The following PRH1 variants were observed in gnomAD, a reference collection of about 807,000 sequenced individuals.
The protein encoded by PRH1 is salivary acidic proline-rich phosphoprotein 1/2.
In PRH1, 7 loss-of-function variants were observed where a neutral mutation model predicts 7.9. The ratio of observed to expected loss-of-function variants is 0.89; its 90% CI spans 0.50 to 1.67. The LOEUF (loss-of-function observed/expected upper bound fraction) is 1.67. PRH1 is among the 40% of genes most tolerant of loss of function. The pLI is 0.00. For missense variants in PRH1, 109 were observed against 223.6 expected (o/e 0.49, Z 3.27); for synonymous variants, 45 against 80.8 (o/e 0.56, Z 2.38).
chr12:10,910,276 A>C (rs371001207), intron 2 of PRH1, among the ~76,000 whole-genome samples: 197 of 152,272 alleles, frequency 1.3e-3, no homozygotes, highest in African/African-American at 4.3e-3. Context: ...CAAGCACAGT[A>C]AAAGATTACA....
intron 1 of PRH1, among the ~76,000 whole-genome samples, chr12:11,029,595 T>G (rs1274694341): frequency 6.6e-6 from 1 of 152,260 alleles, no homozygotes; most frequent in East Asian, 1.9e-4. Flanking sequence ...AAACAGCTTT[T>G]CTTTAATTCA....
chr12:11,049,658 T>C (rs1161988633), upstream of PRH1, among the ~76,000 whole-genome samples: 1 of 152,194 alleles, frequency 6.6e-6, no homozygotes, highest in African/African-American at 2.4e-5. Flanking sequence ...TCCAGCATCG[T>C]CAGTTGTTAC....
intron 2 of PRH1, among the ~76,000 whole-genome samples, chr12:10,957,414 A>C (rs1350348620): frequency 6.6e-6 from 1 of 152,184 alleles, no homozygotes; most frequent in Non-Finnish European, 1.5e-5. Flanking sequence ...AACTCAATGC[A>C]AGCTGGGTTA....
intron 2 of PRH1, chr12:10,929,477 C>T (rs1309318863): frequency 2.0e-6 from 2 of 999,670 alleles, no homozygotes; most frequent in Non-Finnish European, 3.0e-6. Context: ...ATCAGAAGAC[C>T]TGTTGTGCCT....
At chr12:10,886,939 G>A (rs1478850264), upstream of PRH1, among the ~76,000 whole-genome samples, 1 of 152,088 alleles carries the variant, frequency 6.6e-6, no homozygotes, top group African/African-American at 2.4e-5. Flanking sequence ...AGCTGGTCTT[G>A]GTAATGTTCT....
chr12:10,997,044 T>C (rs1940289384), intron 1 of PRH1: 1 of 1,614,010 alleles, frequency 6.2e-7, no homozygotes, highest in Non-Finnish European at 8.5e-7. Context: ...CAAATCAGAA[T>C]GAATGAGTGG....
At chr12:10,905,318 T>C (rs1473952389) in intron 2 of PRH1, among the ~76,000 whole-genome samples, 1 of 151,978 alleles carries the variant, frequency 6.6e-6, no homozygotes, top group East Asian at 1.9e-4. Context: ...CACAATTTCA[T>C]TGGAACACTA....
chr12:11,159,660 A>C (rs1028454193), intron 1 of PRH1: 7 of 152,122 alleles, frequency 4.6e-5, no homozygotes, highest in African/African-American at 1.7e-4. Flanking sequence ...TCTTGTTGCC[A>C]CCACCAGAAA....
intron 1 of PRH1, among the ~76,000 whole-genome samples, chr12:11,066,100 C>T (rs1343179718): frequency 6.6e-6 from 1 of 151,442 alleles, no homozygotes; most frequent in Non-Finnish European, 1.5e-5. Context: ...TAAAACAGTA[C>T]ATACAAGTTT....
chr12:11,073,470 A>G (rs1470497515), intron 1 of PRH1, among the ~76,000 whole-genome samples: 2 of 148,660 alleles, frequency 1.3e-5, no homozygotes, highest in Non-Finnish European at 3.0e-5. Flanking sequence ...CTGTTGCCCT[A>G]TAAATACTTC....
chr12:11,162,503 T>C (rs1329347115), intron 1 of PRH1, among the ~76,000 whole-genome samples: 1 of 152,162 alleles, frequency 6.6e-6, no homozygotes, highest in Non-Finnish European at 1.5e-5. Flanking sequence ...GCCCTGAACT[T>C]TAAGCTGATG....
intron 2 of PRH1, among the ~76,000 whole-genome samples, chr12:10,944,326 TG>T (rs1950451349): frequency 6.6e-6 from 1 of 152,164 alleles, no homozygotes; most frequent in Admixed American, 6.5e-5. Context: ...AGGTATTTTT[TG>T]TGTGTGTGGC....
intron 2 of PRH1, among the ~76,000 whole-genome samples, chr12:10,914,090 A>G (rs1352438588): frequency 6.6e-6 from 1 of 152,206 alleles, no homozygotes; most frequent in Admixed American, 6.5e-5. Flanking sequence ...GCAAGAAAAA[A>G]CATTACTGTT....
chr12:10,973,865 C>G (rs1035678875), intron 1 of PRH1: 1 of 447,800 alleles, frequency 2.2e-6, no homozygotes, highest in Non-Finnish European at 4.0e-6. Flanking sequence ...AATGCAATCT[C>G]TATCAAATTC....
chr12:11,157,510 T>C (rs922923758), intron 1 of PRH1, among the ~76,000 whole-genome samples: 3 of 152,222 alleles, frequency 2.0e-5, no homozygotes, highest in Non-Finnish European at 4.4e-5. Context: ...AGAGTTTAAT[T>C]ATAAAATGGT....
At chr12:10,979,639 C>G (rs892299104) in intron 1 of PRH1, among the ~76,000 whole-genome samples, 1 of 152,198 alleles carries the variant, frequency 6.6e-6, no homozygotes, top group South Asian at 2.1e-4. Flanking sequence ...CAGGCTCTCT[C>G]TGGCTGCTAC....
intron 2 of PRH1, among the ~76,000 whole-genome samples, chr12:10,943,575 A>G (rs1296516631): frequency 6.6e-6 from 1 of 152,092 alleles, no homozygotes; most frequent in East Asian, 1.9e-4. Flanking sequence ...CTTAAGTTTA[A>G]TAGGATCCCA....
intron 1 of PRH1, among the ~76,000 whole-genome samples, chr12:11,023,745 T>G (rs1192157773): frequency 6.6e-6 from 1 of 152,234 alleles, no homozygotes; most frequent in Non-Finnish European, 1.5e-5. Flanking sequence ...TGCCACTGCC[T>G]TATCTACCCT....
chr12:11,121,261 A>G (rs572823113), intron 1 of PRH1: 2 of 152,234 alleles, frequency 1.3e-5, no homozygotes, highest in Non-Finnish European at 2.9e-5. Context: ...AAAACATATC[A>G]TTAATACGTT....
Sources: gnomAD v4.1 joint callset for allele counts (sites outside exome capture counted in the v4.1 genomes callset) on GRCh38, gnomAD v4.1.1 for gene constraint, MANE v1.5 for transcripts, NCBI Gene and HGNC (gene_info 2026-07-23, HGNC 2026-07-21) for gene names.